Variants in SEL1L observed in about 807,000 individuals in gnomAD.
The protein encoded by SEL1L is SEL1L adaptor subunit of SYVN1 ubiquitin ligase.
In SEL1L, 52 loss-of-function variants were observed where a neutral mutation model predicts 109.8. That is an observed-to-expected ratio of 0.47 (90% CI 0.38 to 0.60). The LOEUF (loss-of-function observed/expected upper bound fraction) is 0.60, where lower values mean the gene tolerates loss of function less well. SEL1L is among the 20% of genes least tolerant of loss of function. The pLI is 0.00. For missense variants in SEL1L, 749 were observed against 962.2 expected, an observed-to-expected ratio of 0.78 and a Z score of 2.93; for synonymous variants, 373 against 339.6, an observed-to-expected ratio of 1.10 and a Z score of -1.08.
At chr14:81,480,759 A>G (rs561229322) in intron 19 of SEL1L, among the ~76,000 whole-genome samples, 1 of 152,178 alleles carries the variant, frequency 6.6e-6, no homozygotes, top group Non-Finnish European at 1.5e-5. Flanking sequence ...TTGCATGGAC[A>G]TGTTAAGGGA....
At chr14:81,498,712 C>T in intron 8 of SEL1L, 1 of 404,094 alleles carries the variant, frequency 2.5e-6, no homozygotes, top group Non-Finnish European at 4.4e-6. Context: ...AATATAGTTC[C>T]TAGAGCAATC....
At position 81,471,636 on chromosome 14, in the gene SEL1L, T is replaced by C. The variant is rs41310852; in HGVS notation, c.*5336A>G. The C allele has an allele frequency of 2.8e-4, 43 of 152,302 alleles. No homozygotes were observed. Among genetic ancestry groups the C allele is most frequent in the Non-Finnish European group, 5.3e-4 (36 of 68,024 alleles). 9.4% of individuals were successfully genotyped at this position (152,302 alleles called of 1,614,324 possible). ...ACTTACATGAGAAAAAATTGTGTGGTTTTTAGAAATGGGATTTAATATACA... is the reference window on the plus strand; with the variant it reads ...ACTTACATGAGAAAAAATTGTGTGGCTTTTAGAAATGGGATTTAATATACA... On this transcript the variant is annotated 3_prime_UTR_variant, in exon 21 of 21. Coordinates refer to ENST00000336735, the MANE Select transcript of SEL1L (RefSeq NM_005065.6).
chr14:81,487,580 A>AT (rs1261958796), intron 15 of SEL1L, 42 bp from the exon 16 acceptor site: 9 of 1,579,518 alleles, frequency 5.7e-6, no homozygotes, highest in Non-Finnish European at 7.7e-6. Flanking sequence ...TAGACTTAAG[A>AT]TTTAGCTAAG....
chr14:81,487,587 T>C (rs1903560583), intron 15 of SEL1L, 49 bp from the exon 16 acceptor site: 1 of 1,574,128 alleles, frequency 6.4e-7, no homozygotes, highest in South Asian at 1.2e-5. Flanking sequence ...AAGATTTAGC[T>C]AAGTATCAGA....
At position 81,484,151 on chromosome 14, in the gene SEL1L, A is replaced by G. The variant is rs538976234; in HGVS notation, c.2046+74T>C. ...TCCAACTGAATGTCAAGGAAAGTCT[A>G]TTTTCTATACAAATGCAAGTATTTT... is the stretch of plus-strand genomic sequence containing the variant. On this transcript the variant is annotated intron_variant, in intron 19 of 20. Transcript: ENST00000336735. 2.5e-5 allele frequency: 36 copies of G among 1,463,906 alleles called. No individual in the cohort carries two copies. In the East Asian group the frequency reaches 8.0e-4, roughly 33 times the overall value. The allele number at this position is 1,463,906 out of a possible 1,614,324, so 90.7% of individuals were successfully genotyped here.
intron 1 of SEL1L, among the ~76,000 whole-genome samples, chr14:81,528,853 CAAAA>C (rs1191420122): frequency 6.6e-6 from 1 of 152,012 alleles, no homozygotes. Flanking sequence ...TAAAATATAA[CAAAA>C]AACCTGTGTT....
chr14:81,509,294 CAGAAG>C (rs1401828519), intron 3 of SEL1L, among the ~76,000 whole-genome samples: 1 of 152,096 alleles, frequency 6.6e-6, no homozygotes, highest in Non-Finnish European at 1.5e-5. Flanking sequence ...AAACCTCCAC[CAGAAG>C]AGTATCAATT....
chr14:81,516,624 G>A (rs769927952), intron 3 of SEL1L, among the ~76,000 whole-genome samples: 3 of 152,074 alleles, frequency 2.0e-5, no homozygotes, highest in Non-Finnish European at 2.9e-5. Context: ...AGCCCAAACC[G>A]TACAAACATG....
At chr14:81,489,522 A>G (rs1408984994) in intron 13 of SEL1L, among the ~76,000 whole-genome samples, 1 of 152,212 alleles carries the variant, frequency 6.6e-6, no homozygotes, top group Non-Finnish European at 1.5e-5. Flanking sequence ...TTTGCTGAAA[A>G]AGAGTAAATA....
chr14:81,528,389 C>A (rs1055314436), intron 1 of SEL1L, among the ~76,000 whole-genome samples: 1 of 152,132 alleles, frequency 6.6e-6, no homozygotes, highest in African/African-American at 2.4e-5. Flanking sequence ...TTACATTAAA[C>A]AATGAAAAAC....
intron 20 of SEL1L, among the ~76,000 whole-genome samples, chr14:81,478,550 G>C (rs1432978074): frequency 6.6e-6 from 1 of 152,212 alleles, no homozygotes; most frequent in Non-Finnish European, 1.5e-5. Flanking sequence ...GAAAGAGAAA[G>C]AGGAGGCTGC....
In SEL1L at chr14:81,499,485, C is replaced by T. The variant is rs1184953356; in HGVS notation, c.865G>A (p.Gly289Ser). ...AAAACCATGTGGGCTATTAGATTGC[C>T]CCCAAGAGCTCCAAATGTATAATAT... ...LVYYTFGALG[G>S]NLIAHMVLGY... Residue 289 changes from glycine to serine, a missense_variant, in exon 8 of 21, where the codon GGC (glycine) becomes AGC (serine). Coordinates refer to ENST00000336735, the MANE Select transcript of SEL1L (RefSeq NM_005065.6). 2.5e-6 allele frequency: 4 copies of T among 1,612,230 alleles called. No individual in the cohort carries two copies. In the East Asian group the frequency reaches 6.7e-5, roughly 27 times the overall value.
intron 20 of SEL1L, 73 bp from the exon 21 acceptor site, chr14:81,477,254 C>G: frequency 8.4e-7 from 1 of 1,186,832 alleles, no homozygotes; most frequent in South Asian, 1.3e-5. Flanking sequence ...GTTACATCAC[C>G]AGAAGTAAGT....
intron 16 of SEL1L, among the ~76,000 whole-genome samples, chr14:81,486,706 G>A (rs190861302): frequency 2.0e-5 from 3 of 150,984 alleles, no homozygotes; most frequent in East Asian, 1.9e-4. Context: ...TACTCTGCCC[G>A]GGCACTGTTG....
chr14:81,504,165 T>G (rs1049355220), intron 5 of SEL1L, 36 bp downstream of exon 5: 3 of 1,332,862 alleles, frequency 2.3e-6, no homozygotes, highest in Non-Finnish European at 3.1e-6. Context: ...TAATGGCCTG[T>G]CATGGGGGAA....
Position 81,520,572 on chromosome 14 carries a change from C to T in SEL1L, c.340+6161G>A, listed in dbSNP as rs75266330. 1.0e-2 allele frequency among the ~76,000 whole-genome samples: 1,519 copies of T among 152,254 alleles called. 22 individuals carry two copies. The highest frequency in any genetic ancestry group is 0.034 in the African/African-American group (1,430 of 41,528). Reference sequence around the variant, plus strand: ...AAACTCTGATAAGGTGGAAAGGGCTCGCAGCAGACCTGTAGTCTGTTCTTT... The same window carrying T: ...AAACTCTGATAAGGTGGAAAGGGCTTGCAGCAGACCTGTAGTCTGTTCTTT... On this transcript the variant is annotated intron_variant, in intron 3 of 20. Coordinates refer to ENST00000336735, the MANE Select transcript of SEL1L (RefSeq NM_005065.6).
At chr14:81,512,757 G>A (rs1884537847) in intron 3 of SEL1L, among the ~76,000 whole-genome samples, 1 of 152,180 alleles carries the variant, frequency 6.6e-6, no homozygotes, top group Non-Finnish European at 1.5e-5. Context: ...CTTTTAAAAT[G>A]GCTATGGGTA....
intron 5 of SEL1L, among the ~76,000 whole-genome samples, chr14:81,503,501 G>A (rs1369156264): frequency 6.6e-6 from 1 of 151,576 alleles, no homozygotes; most frequent in African/African-American, 2.4e-5. Context: ...ATCATGCCTG[G>A]CTAATTTTTA....
Position 81,533,821 on chromosome 14 carries a change from G to A in SEL1L, c.-77C>T, listed in dbSNP as rs765502571. On this transcript the variant is annotated 5_prime_UTR_variant, in exon 1 of 21. Transcript: ENST00000336735. ...CACCACGGACTCAGCCACCACCGCC[G>A]CCTCGCCGCTGCTCTTCCTGCTCTA... 8 of 1,401,212 alleles carry A rather than the reference G, an allele frequency of 5.7e-6. No homozygotes were observed. The highest frequency in any genetic ancestry group is 2.4e-5 in the South Asian group (2 of 83,262). The allele number at this position is 1,401,212 out of a possible 1,614,324, so 86.8% of individuals were successfully genotyped here.
Sources: allele counts gnomAD v4.1 joint callset (sites outside exome capture counted in the v4.1 genomes callset), GRCh38; gene constraint gnomAD v4.1.1; transcripts MANE v1.5; gene names NCBI Gene and HGNC (gene_info 2026-07-23, HGNC 2026-07-21).